RBBP9: variants seen among roughly 807,000 people sequenced by gnomAD.
RBBP9 encodes the protein serine hydrolase RBBP9.
In RBBP9, 20 loss-of-function variants were observed where a neutral mutation model predicts 24.2. That is an observed-to-expected ratio of 0.83 (90% confidence interval 0.58 to 1.20). The LOEUF (loss-of-function observed/expected upper bound fraction) is 1.20. Among genes scored for constraint, RBBP9 ranks in the 50% most tolerant of loss-of-function variants. The pLI, the probability that RBBP9 is intolerant of heterozygous loss-of-function variation, is 0.00. For synonymous variants in RBBP9, 74 were observed against 84.6 expected, an observed-to-expected ratio of 0.87 and a Z score of 0.69; for missense variants, 234 against 233.6, an observed-to-expected ratio of 1.00 and a Z score of -0.01.
rs1306750941 is a variant in RBBP9 at position 18,487,008 on chromosome 20, C to A, written c.*2756G>T. On this transcript the variant is annotated 3_prime_UTR_variant, in exon 5 of 5. Transcript: ENST00000337227. Reference sequence around the variant, plus strand: ...AAACAGAAGTAATTTCAAATTAAGTCACTTTTACTTTGTGCTATTACTCAT... The same window carrying A: ...AAACAGAAGTAATTTCAAATTAAGTAACTTTTACTTTGTGCTATTACTCAT... 1 of 152,150 alleles carries A rather than the reference C, an allele frequency of 6.6e-6. No homozygotes were observed. The allele number at this position is 152,150 out of a possible 1,614,324, so 9.4% of individuals were successfully genotyped here. A position where few individuals can be genotyped will look rare whatever the true frequency, so the allele number is the denominator to read the frequency against.
chr20:18,491,926 G>A (rs935219902), intron 3 of RBBP9, among the ~76,000 whole-genome samples: 15 of 151,686 alleles, frequency 9.9e-5, no homozygotes, highest in South Asian at 2.1e-4. Flanking sequence ...GTGAAGCCCC[G>A]TCTCTACTAA....
At chr20:18,490,565 G>T in intron 3 of RBBP9, 85 bp from the exon 4 acceptor site, 1 of 1,007,026 alleles carries the variant, frequency 9.9e-7, no homozygotes. Flanking sequence ...AAACTCATTT[G>T]AGGTAGCCTA....
rs1045925539 is a variant in RBBP9, at chr20:18,488,763, T to C, written c.*1001A>G. On this transcript the variant is annotated 3_prime_UTR_variant, in exon 5 of 5. Coordinates refer to ENST00000337227, the MANE Select transcript of RBBP9 (RefSeq NM_006606.3). ...ATTTCGTCCTTTGACATTATGTTCA[T>C]CTTGGTTATCTTAGTCTTTTCTCAG... The C allele has an allele frequency of 6.6e-6, 1 of 152,250 alleles. No individual in the cohort carries two copies. Among genetic ancestry groups the C allele is most frequent in the African/African-American group, 2.4e-5 (1 of 41,470 alleles). 9.4% of individuals were successfully genotyped at this position (152,250 alleles called of 1,614,324 possible).
In RBBP9 at chr20:18,490,006, A is replaced by G. The variant is rs1388745646; in HGVS notation, c.335-16T>C. 5 of 1,561,660 alleles carry G rather than the reference A, an allele frequency of 3.2e-6. No individual in the cohort carries two copies. Among genetic ancestry groups the G allele is most frequent in the Non-Finnish European group, 3.5e-6 (4 of 1,139,790 alleles). ...GTGAAGTATCCTATGGGGAAAAAAA[A>G]ATGATCTTTCAGTACCCATGGATAA... On this transcript the variant is annotated splice_polypyrimidine_tract_variant and intron_variant, in intron 4 of 4. Coordinates refer to ENST00000337227, the MANE Select transcript of RBBP9 (RefSeq NM_006606.3).
chr20:18,492,752 T>C (rs1039034182), intron 3 of RBBP9, among the ~76,000 whole-genome samples: 2 of 152,204 alleles, frequency 1.3e-5, no homozygotes, highest in Non-Finnish European at 2.9e-5. Flanking sequence ...TCCCTTAACT[T>C]TAGAAGTCAA....
rs971114666 is a variant in RBBP9 at position 18,495,992 on chromosome 20, T to C, written c.100-112A>G. The C allele has an allele frequency of 4.3e-6, 4 of 920,994 alleles. No homozygotes were observed. The African/African-American group carries it at 6.9e-5, about 16-fold the overall frequency. The allele number at this position is 920,994 out of a possible 1,614,324, so 57.1% of individuals were successfully genotyped here. A position where few individuals can be genotyped will look rare whatever the true frequency, so the allele number is the denominator to read the frequency against. ...GATCGTTACCAATTCAGTATTAACT[T>C]GTGTTATGAAATGAAGTAGGTTAAG... On this transcript the variant is annotated intron_variant, in intron 1 of 4. Coordinates refer to ENST00000337227, the MANE Select transcript of RBBP9 (RefSeq NM_006606.3).
At position 18,497,099 on chromosome 20, in the gene RBBP9, C is replaced by A. The variant is rs1422951016; in HGVS notation, c.69G>T (p.Trp23Cys). The change falls in exon 1 of 5, where the codon TGG becomes TGT. Residue 23 changes from tryptophan to cysteine, a missense_variant. Physicochemically the swap from Trp to Cys is radical, Grantham distance 215. Transcript: ENST00000337227. ...NGGGDVTTHG[W>C]YGWVKKELEK... ...CCAGCTCCTTTTTCACCCAGCCATA[C>A]CAGCCGTGGGTGGTCACATCCCCGC... is the stretch of plus-strand genomic sequence containing the variant. 6.2e-7 allele frequency: 1 copy of A among 1,614,086 alleles called. No individual in the cohort carries two copies. Among genetic ancestry groups the A allele is most frequent in the African/African-American group, 1.3e-5 (1 of 74,958 alleles).
At chr20:18,496,515 A>T (rs2059887318) in intron 1 of RBBP9, among the ~76,000 whole-genome samples, 1 of 152,244 alleles carries the variant, frequency 6.6e-6, no homozygotes, top group Non-Finnish European at 1.5e-5. Flanking sequence ...CATAGGTTGA[A>T]AAGTACTTCA....
intron 2 of RBBP9, among the ~76,000 whole-genome samples, chr20:18,494,523 C>CA (rs1261192755): frequency 4.6e-5 from 7 of 151,262 alleles, no homozygotes; most frequent in Non-Finnish European, 1.0e-4. Flanking sequence ...GCTAAAAATA[C>CA]AAAAAAAATT....
At position 18,488,971 on chromosome 20, in the gene RBBP9, G is replaced by GTGTGTGTGTGTATA. The variant is rs35822681; in HGVS notation, c.*792_*793insTATACACACACACA. On this transcript the variant is annotated 3_prime_UTR_variant, in exon 5 of 5. Coordinates refer to ENST00000337227, the MANE Select transcript of RBBP9 (RefSeq NM_006606.3). ...TATGTGTATGTGTGTGTGTGTGTGTGTATATATATATATATTTGCATTCCC... is the reference window on the plus strand; with the variant it reads ...TATGTGTATGTGTGTGTGTGTGTGTGTGTGTGTGTGTATATATATATATATATATTTGCATTCCC... 0.025 allele frequency: 3,775 copies of GTGTGTGTGTGTATA among 148,678 alleles called. 158 individuals carry two copies. The highest frequency in any genetic ancestry group is 0.087 in the African/African-American group (3,539 of 40,478). 9.2% of individuals were successfully genotyped at this position (148,678 alleles called of 1,614,324 possible). A position where few individuals can be genotyped will look rare whatever the true frequency, so the allele number is the denominator to read the frequency against.
At chr20:18,495,433 C>T (rs12329479) in intron 2 of RBBP9, among the ~76,000 whole-genome samples, 25,631 of 150,154 alleles carry the variant, frequency 0.17, 2,440 homozygotes, top group East Asian at 0.34. Flanking sequence ...CTCAAGTACC[C>T]AGGGACGCAA....
chr20:18,491,391 G>A (rs2059864959), intron 3 of RBBP9, among the ~76,000 whole-genome samples: 1 of 152,164 alleles, frequency 6.6e-6, no homozygotes, highest in Admixed American at 6.5e-5. Flanking sequence ...CCATTACAGT[G>A]CCTGGCAAGT....
At chr20:18,492,072 G>A (rs547469218) in intron 3 of RBBP9, among the ~76,000 whole-genome samples, 13 of 139,246 alleles carry the variant, frequency 9.3e-5, no homozygotes, top group South Asian at 2.4e-4. Flanking sequence ...ACTCCAGCCC[G>A]GGCAACAGAG....
chr20:18,492,978 T>A (rs4814754), intron 3 of RBBP9, among the ~76,000 whole-genome samples: 3 of 152,212 alleles, frequency 2.0e-5, no homozygotes, highest in Non-Finnish European at 4.4e-5. Context: ...CATCCTGAAA[T>A]ACTCTTGTAA....
Position 18,490,400 on chromosome 20 carries a change from G to T in RBBP9, c.329C>A (p.Ala110Glu), listed in dbSNP as rs756759550. 7.4e-6 allele frequency: 12 copies of T among 1,611,998 alleles called. No individual in the cohort carries two copies. The highest frequency in any genetic ancestry group is 9.3e-6 in the Non-Finnish European group (11 of 1,178,122). Residue 110 changes from alanine to glutamate, a missense_variant, in exon 4 of 5, where the codon GCA becomes GAA. Transcript: ENST00000337227. ...ATTTCTACCTTTGGACTTACCACTT[G>T]CACGCTCATTTTCATCCCCCAAGTC... ...TSDLGDENER[A>E]SGYFTRPWQW... is the part of the protein sequence containing the mutation.
chr20:18,491,987 C>T (rs926847775), intron 3 of RBBP9, among the ~76,000 whole-genome samples: 2 of 150,324 alleles, frequency 1.3e-5, no homozygotes, highest in South Asian at 2.1e-4. Context: ...GTCTCAGCTA[C>T]TCGGGAGGCT....
chr20:18,494,095 A>G (rs369358542), intron 2 of RBBP9, 32 bp from the exon 3 acceptor site: 41 of 1,556,654 alleles, frequency 2.6e-5, no homozygotes, highest in Non-Finnish European at 3.3e-5. Context: ...AAAGTCTGTC[A>G]TTTGATAGTG....
In RBBP9 at chr20:18,497,188, T is replaced by C. The variant is rs1568588773; in HGVS notation, c.-21A>G. The stretch of plus-strand genomic sequence containing the variant: ...GCCATGAGTGCAGCGAGGCCAGAGT[T>C]CCCCAGCGCGGGTCCAGCGGAGCTG... On this transcript the variant is annotated 5_prime_UTR_variant, in exon 1 of 5. Transcript: ENST00000337227. 1 of 1,594,264 alleles carries C rather than the reference T, an allele frequency of 6.3e-7. No homozygotes were observed.
At chr20:18,494,092 G>A in intron 2 of RBBP9, 29 bp from the exon 3 acceptor site, 2 of 1,577,732 alleles carry the variant, frequency 1.3e-6, no homozygotes, top group Non-Finnish European at 1.7e-6. Context: ...GAAAAAGTCT[G>A]TCATTTGATA....
Sources: gnomAD v4.1 joint callset for allele counts (sites outside exome capture counted in the v4.1 genomes callset) on GRCh38, gnomAD v4.1.1 for gene constraint, MANE v1.5 for transcripts, NCBI Gene and HGNC (gene_info 2026-07-23, HGNC 2026-07-21) for gene names.